The following TRAPPC12 variants were observed in gnomAD, a reference collection of about 807,000 sequenced individuals.
The protein encoded by TRAPPC12 is trafficking protein particle complex subunit 12.
Under a neutral mutation model 69.2 loss-of-function variants are expected in TRAPPC12, and 61 were observed. The observed-to-expected ratio is 0.88, with a 90% confidence interval of 0.72 to 1.09. TRAPPC12 has a LOEUF of 1.09. TRAPPC12 is among the 50% of genes least tolerant of loss of function. TRAPPC12 has a pLI of 0.00. For synonymous variants in TRAPPC12, 469 were observed against 438.9 expected, an observed-to-expected ratio of 1.07 and a Z score of -0.86; for missense variants, 1,101 against 1,016.4, an observed-to-expected ratio of 1.08 and a Z score of -1.13.
chr2:3,425,014 G>A (rs990131547), intron 5 of TRAPPC12, among the ~76,000 whole-genome samples: 11 of 148,358 alleles, frequency 7.4e-5, no homozygotes, highest in Non-Finnish European at 7.4e-5. Context: ...GAGATGCAGA[G>A]CGGTGGAACC....
At chr2:3,404,652 C>A (rs1477088902) in intron 3 of TRAPPC12, among the ~76,000 whole-genome samples, 33 of 152,060 alleles carry the variant, frequency 2.2e-4, no homozygotes, top group Admixed American at 2.2e-3. Context: ...GTAATAAACA[C>A]CGTGACAGTC....
At chr2:3,383,868 C>CTTGT (rs1660351461) in intron 1 of TRAPPC12, among the ~76,000 whole-genome samples, 1 of 84,720 alleles carries the variant, frequency 1.2e-5, no homozygotes, top group Non-Finnish European at 2.6e-5. Context: ...ATAGTTCAGT[C>CTTGT]TTGTTTTTTT....
chr2:3,409,050 T>A (rs957061099), intron 3 of TRAPPC12, among the ~76,000 whole-genome samples: 2 of 152,206 alleles, frequency 1.3e-5, no homozygotes, highest in Non-Finnish European at 2.9e-5. Flanking sequence ...TTCCTGAGGC[T>A]GCCACAGCTG....
At chr2:3,448,362 G>A (rs1220627022) in intron 6 of TRAPPC12, among the ~76,000 whole-genome samples, 1 of 152,186 alleles carries the variant, frequency 6.6e-6, no homozygotes, top group East Asian at 1.9e-4. Context: ...TGTAAAGCAG[G>A]GGCTCTAAAG....
At chr2:3,406,179 C>T (rs1364895866) in intron 3 of TRAPPC12, among the ~76,000 whole-genome samples, 3 of 152,178 alleles carry the variant, frequency 2.0e-5, no homozygotes, top group African/African-American at 4.8e-5. Context: ...AACTGTCACT[C>T]ACATGGTCAC....
chr2:3,405,144 T>G (rs1661656682), intron 3 of TRAPPC12, among the ~76,000 whole-genome samples: 1 of 146,838 alleles, frequency 6.8e-6, no homozygotes, highest in South Asian at 2.3e-4. Flanking sequence ...AGGGTCTACT[T>G]TATGTAGAAG....
chr2:3,442,707 C>G (rs1296232869), intron 5 of TRAPPC12, among the ~76,000 whole-genome samples: 1 of 152,170 alleles, frequency 6.6e-6, no homozygotes, highest in Non-Finnish European at 1.5e-5. Context: ...TTATTAAAGA[C>G]CATAAACATA....
intron 5 of TRAPPC12, 123 bp downstream of exon 5, chr2:3,424,786 T>G: frequency 1.8e-6 from 2 of 1,091,876 alleles, no homozygotes; most frequent in Non-Finnish European, 2.6e-6. Flanking sequence ...ATCAGATAAG[T>G]ACCCAGCAAC....
At chr2:3,433,930 G>C (rs143617906) in intron 5 of TRAPPC12, among the ~76,000 whole-genome samples, 1 of 151,936 alleles carries the variant, frequency 6.6e-6, no homozygotes, top group Non-Finnish European at 1.5e-5. Context: ...GGAGAGAGAC[G>C]GGCCTCAGGG....
intron 3 of TRAPPC12, among the ~76,000 whole-genome samples, chr2:3,409,310 A>G (rs1241211059): frequency 2.0e-5 from 3 of 152,254 alleles, no homozygotes; most frequent in African/African-American, 7.2e-5. Context: ...TTTTTGAAAT[A>G]CAAAGTAAAC....
At chr2:3,465,193 T>C (rs34972822) in intron 8 of TRAPPC12, among the ~76,000 whole-genome samples, 16,682 of 152,262 alleles carry the variant, frequency 0.11, 949 homozygotes, top group South Asian at 0.13. Flanking sequence ...AAATTTGGCC[T>C]ATGTATTTGG....
intron 4 of TRAPPC12, 127 bp from the exon 5 acceptor site, chr2:3,424,397 AG>A (rs1662980447): frequency 2.5e-6 from 2 of 791,638 alleles, no homozygotes; most frequent in Non-Finnish European, 4.0e-6. Context: ...ATGCAAAGAT[AG>A]AAAGTTAGGT....
intron 8 of TRAPPC12, among the ~76,000 whole-genome samples, chr2:3,464,666 T>G (rs979979346): frequency 6.6e-6 from 1 of 152,236 alleles, no homozygotes; most frequent in African/African-American, 2.4e-5. Context: ...GCGATCACTG[T>G]CATCCTGGAG....
intron 2 of TRAPPC12, among the ~76,000 whole-genome samples, chr2:3,394,636 A>AC (rs1491137105): frequency 6.7e-6 from 1 of 149,538 alleles, no homozygotes; most frequent in African/African-American, 2.5e-5. Context: ...AAAAAAAAAA[A>AC]GGGGGGGGAG....
At chr2:3,446,457 G>T (rs1207818294) in intron 6 of TRAPPC12, among the ~76,000 whole-genome samples, 1 of 152,254 alleles carries the variant, frequency 6.6e-6, no homozygotes, top group African/African-American at 2.4e-5. Context: ...GCTGGTGGAT[G>T]CCTGGACCAA....
chr2:3,466,127 T>C (rs1309885237), intron 9 of TRAPPC12: 12 of 404,242 alleles, frequency 3.0e-5, no homozygotes. Context: ...TGCACAAAGC[T>C]CGGCAGGACC....
chr2:3,384,649 C>A (rs1360485272), intron 1 of TRAPPC12, among the ~76,000 whole-genome samples: 1 of 152,188 alleles, frequency 6.6e-6, no homozygotes, highest in Non-Finnish European at 1.5e-5. Flanking sequence ...AAAATAAATA[C>A]ATTGCTGATT....
intron 7 of TRAPPC12, among the ~76,000 whole-genome samples, chr2:3,459,700 G>A (rs181936994): frequency 1.3e-5 from 2 of 152,370 alleles, no homozygotes; most frequent in East Asian, 3.9e-4. Flanking sequence ...GGAGTGCCGA[G>A]TCCCCAGCGG....
At chr2:3,447,799 C>T (rs545577067) in intron 6 of TRAPPC12, among the ~76,000 whole-genome samples, 2 of 152,338 alleles carry the variant, frequency 1.3e-5, no homozygotes, top group South Asian at 4.1e-4. Context: ...CTGCTCTCCA[C>T]TGGTGAGTAA....
Sources: gnomAD v4.1 joint callset for allele counts (sites outside exome capture counted in the v4.1 genomes callset) on GRCh38, gnomAD v4.1.1 for gene constraint, MANE v1.5 for transcripts, NCBI Gene and HGNC (gene_info 2026-07-23, HGNC 2026-07-21) for gene names.